The following EFCAB13 variants were observed in gnomAD, a reference collection of about 807,000 sequenced individuals.
The protein encoded by EFCAB13 is EF-hand calcium binding domain 13, also known as EF-hand calcium-binding domain-containing protein 13.
A neutral mutation model predicts 110.2 loss-of-function variants in EFCAB13; 91 were observed. The observed-to-expected ratio is 0.83, with a 90% CI of 0.70 to 0.98. The LOEUF (loss-of-function observed/expected upper bound fraction) is 0.98, where lower values mean the gene tolerates loss of function less well. EFCAB13 is among the 50% of genes least tolerant of loss of function. EFCAB13 has a pLI of 0.00. For missense variants in EFCAB13, 968 were observed against 1,119.4 expected (o/e 0.86, Z 1.93); for synonymous variants, 323 against 369.9 (o/e 0.87, Z 1.45).
chr17:47,381,478 G>T (rs2065647090), intron 14 of EFCAB13, among the ~76,000 whole-genome samples: 1 of 152,028 alleles, frequency 6.6e-6, no homozygotes, highest in Admixed American at 6.5e-5. Context: ...GGGTTTTTAT[G>T]GTTTTAGATC....
intron 2 of EFCAB13, among the ~76,000 whole-genome samples, chr17:47,324,865 T>TG (rs1731873493): frequency 6.7e-6 from 1 of 148,894 alleles, no homozygotes; most frequent in Admixed American, 6.7e-5. Context: ...CCTACCCTAC[T>TG]GGCTGGGTTC....
chr17:47,422,689 CA>C (rs1244193082), intron 23 of EFCAB13, among the ~76,000 whole-genome samples: 1 of 151,972 alleles, frequency 6.6e-6, no homozygotes, highest in African/African-American at 2.4e-5. Flanking sequence ...ACTAGTGAAA[CA>C]AGTTTATAAT....
At chr17:47,435,202 C>G (rs1459090093) in intron 24 of EFCAB13, among the ~76,000 whole-genome samples, 2 of 151,840 alleles carry the variant, frequency 1.3e-5, no homozygotes, top group Non-Finnish European at 2.9e-5. Flanking sequence ...AAAACAAAAC[C>G]ATCAAAAAGT....
At position 47,347,879 on chromosome 17, in the gene EFCAB13, A is replaced by G. The variant is rs1221032351; in HGVS notation, c.589A>G (p.Ile197Val). The change falls in exon 9 of 25, where the codon ATC (isoleucine) becomes GTC (valine). Residue 197 changes from isoleucine to valine, a missense_variant. Transcript: ENST00000331493. Reference protein sequence around the residue: ...GKIYVNDLPVILCILRISISD... With the variant: ...GKIYVNDLPVVLCILRISISD... ...GATTTATGTGAATGATCTTCCAGTG[A>G]TCCTTTGCATCTTGAGAATTTCTAT... is the stretch of plus-strand genomic sequence containing the variant. 5 of 1,550,610 alleles carry G rather than the reference A, an allele frequency of 3.2e-6. No individual in the cohort carries two copies. Among genetic ancestry groups the G allele is most frequent in the Non-Finnish European group, 4.4e-6 (5 of 1,138,904 alleles).
chr17:47,346,265 A>G (rs2065415125), intron 8 of EFCAB13, among the ~76,000 whole-genome samples: 2 of 152,194 alleles, frequency 1.3e-5, no homozygotes, highest in African/African-American at 4.8e-5. Context: ...AAGTTTGACT[A>G]TTTTAGATGC....
At chr17:47,370,744 T>G (rs1418572468) in intron 11 of EFCAB13, among the ~76,000 whole-genome samples, 134 of 147,980 alleles carry the variant, frequency 9.1e-4, no homozygotes, top group African/African-American at 1.4e-3. Flanking sequence ...GTTTGTTTTT[T>G]TTTTTTTTTT....
intron 14 of EFCAB13, among the ~76,000 whole-genome samples, chr17:47,385,941 G>A (rs946265336): frequency 4.6e-5 from 7 of 152,172 alleles, no homozygotes; most frequent in Non-Finnish European, 7.4e-5. Context: ...TTATGTGCCT[G>A]GGTATTACTA....
chr17:47,361,289 T>G, intron 9 of EFCAB13, 89 bp from the exon 10 acceptor site: 1 of 1,223,234 alleles, frequency 8.2e-7, no homozygotes, highest in Non-Finnish European at 1.2e-6. Context: ...TACAAAGTTA[T>G]TTTCCCTTAG....
At chr17:47,332,687 C>T (rs2065326380) in intron 4 of EFCAB13, among the ~76,000 whole-genome samples, 1 of 152,092 alleles carries the variant, frequency 6.6e-6, no homozygotes, top group Admixed American at 6.6e-5. Context: ...CTGTGCCTGG[C>T]TTATTTTACT....
rs114010137 is a variant in EFCAB13 at position 47,375,327 on chromosome 17, G to A, written c.1372+361G>A. 8.3e-3 allele frequency among the ~76,000 whole-genome samples: 1,268 copies of A among 152,262 alleles called. 11 individuals are homozygous for A. The highest frequency in any genetic ancestry group is 0.029 in the African/African-American group (1,213 of 41,556). On this transcript the variant is annotated intron_variant, in intron 12 of 24. Coordinates refer to ENST00000331493, the MANE Select transcript of EFCAB13 (RefSeq NM_152347.5). ...ATTTTTTGAGTCAGAATCTCACTCTGTCAACCAGGCTGGAGTGTAGTGGCG... is the reference window on the plus strand; with the variant it reads ...ATTTTTTGAGTCAGAATCTCACTCTATCAACCAGGCTGGAGTGTAGTGGCG...
chr17:47,435,155 A>G (rs1276187069), intron 24 of EFCAB13, among the ~76,000 whole-genome samples: 4 of 152,068 alleles, frequency 2.6e-5, no homozygotes, highest in Non-Finnish European at 5.9e-5. Context: ...GGCTAATATC[A>G]AGAATCTACA....
chr17:47,427,911 A>G (rs1456384168), intron 23 of EFCAB13, among the ~76,000 whole-genome samples: 1 of 151,910 alleles, frequency 6.6e-6, no homozygotes, highest in Non-Finnish European at 1.5e-5. Flanking sequence ...TGAGAGTTTG[A>G]GTTTGTTTAG....
chr17:47,330,075 T>TGC (rs1300858106), intron 4 of EFCAB13, among the ~76,000 whole-genome samples: 1 of 152,138 alleles, frequency 6.6e-6, no homozygotes, highest in Admixed American at 6.6e-5. Context: ...TCAGGACTAA[T>TGC]GCACCTTTGA....
At chr17:47,327,035 T>C (rs2065289778) in intron 3 of EFCAB13, among the ~76,000 whole-genome samples, 1 of 152,222 alleles carries the variant, frequency 6.6e-6, no homozygotes, top group Non-Finnish European at 1.5e-5. Context: ...GCTCATAAAA[T>C]GTAACTCAGA....
At chr17:47,346,102 T>G (rs1212073376) in intron 8 of EFCAB13, among the ~76,000 whole-genome samples, 3 of 152,192 alleles carry the variant, frequency 2.0e-5, no homozygotes, top group African/African-American at 7.2e-5. Flanking sequence ...TTTAAAAATG[T>G]AAGTTATTCT....
chr17:47,399,476 TTATACAG>T lies in EFCAB13; in HGVS notation c.1946-2652_1946-2646del, dbSNP rs1396169548. Among the ~76,000 whole-genome samples, 4 of 152,246 alleles carry T rather than the reference TTATACAG, an allele frequency of 2.6e-5. No homozygotes were observed. The East Asian group carries it at 7.7e-4, about 29-fold the overall frequency. ...GAATGCTTTTTTTCCAAATTAAATC[TTATACAG>T]TATCCTAATATATAAAATATTAAAG... On this transcript the variant is annotated intron_variant, in intron 17 of 24. Transcript: ENST00000331493.
At chr17:47,402,254 T>A in intron 18 of EFCAB13, 51 bp downstream of exon 18, 1 of 1,537,850 alleles carries the variant, frequency 6.5e-7, no homozygotes, top group Non-Finnish European at 9.0e-7. Context: ...TTGAAAGGAC[T>A]TGCTTTTGTT....
At chr17:47,398,995 C>G (rs1017258158) in intron 17 of EFCAB13, among the ~76,000 whole-genome samples, 2 of 152,172 alleles carry the variant, frequency 1.3e-5, no homozygotes, top group South Asian at 4.1e-4. Flanking sequence ...GCAATCTCGG[C>G]TCACTGCAAC....
intron 9 of EFCAB13, among the ~76,000 whole-genome samples, chr17:47,350,255 A>T (rs2065442058): frequency 6.6e-6 from 1 of 152,218 alleles, no homozygotes; most frequent in African/African-American, 2.4e-5. Context: ...GAATTTTGTC[A>T]TAAAAGGCAT....
Sources: allele counts gnomAD v4.1 joint callset (sites outside exome capture counted in the v4.1 genomes callset), GRCh38; gene constraint gnomAD v4.1.1; transcripts MANE v1.5; gene names NCBI Gene and HGNC (gene_info 2026-07-23, HGNC 2026-07-21).